The following ETV6 variants were observed in gnomAD, a reference collection of about 807,000 sequenced individuals.
ETV6 encodes ETS variant transcription factor 6, also known as transcription factor ETV6.
A neutral mutation model predicts 51.1 loss-of-function variants in ETV6; 16 were observed. That is an observed-to-expected ratio of 0.31 (90% CI 0.21 to 0.48). The LOEUF is 0.48. ETV6 is among the 20% of genes least tolerant of loss of function. The pLI, the probability that ETV6 is intolerant of heterozygous loss-of-function variation, is 0.99. For missense variants in ETV6, 458 were observed against 594.8 expected (o/e 0.77, Z 2.39); for synonymous variants, 240 against 224.1 (o/e 1.07, Z -0.64).
intron 1 of ETV6, among the ~76,000 whole-genome samples, chr12:11,710,167 T>C (rs1865147280): frequency 6.6e-6 from 1 of 152,172 alleles, no homozygotes; most frequent in Non-Finnish European, 1.5e-5. Flanking sequence ...GGCCAGCTTT[T>C]TTTGGAGAAC....
intron 2 of ETV6, among the ~76,000 whole-genome samples, chr12:11,815,078 CAGG>C (rs1945971642): frequency 6.6e-6 from 1 of 152,134 alleles, no homozygotes; most frequent in South Asian, 2.1e-4. Context: ...ACATACTTCC[CAGG>C]AGAAGTCAAA....
At chr12:11,662,102 C>T (rs1864110903) in intron 1 of ETV6, among the ~76,000 whole-genome samples, 1 of 152,140 alleles carries the variant, frequency 6.6e-6, no homozygotes, top group Non-Finnish European at 1.5e-5. Context: ...ATGTTCCCAC[C>T]CTTCCCAACA....
At chr12:11,655,968 C>T (rs1339580498) in intron 1 of ETV6, among the ~76,000 whole-genome samples, 1 of 152,186 alleles carries the variant, frequency 6.6e-6, no homozygotes, top group Non-Finnish European at 1.5e-5. Context: ...TCTACAACAA[C>T]CAGTTGTAGC....
At chr12:11,741,964 G>C (rs549155338) in intron 1 of ETV6, among the ~76,000 whole-genome samples, 2 of 152,348 alleles carry the variant, frequency 1.3e-5, no homozygotes, top group African/African-American at 4.8e-5. Context: ...GTGTTTTAAA[G>C]TTTCTCCAGG....
chr12:11,811,068 C>G (rs1945905539), intron 2 of ETV6, among the ~76,000 whole-genome samples: 1 of 152,122 alleles, frequency 6.6e-6, no homozygotes, highest in Non-Finnish European at 1.5e-5. Context: ...AGTGGTGGTA[C>G]AGCAAATAAT....
intron 2 of ETV6, among the ~76,000 whole-genome samples, chr12:11,754,325 A>G (rs888382673): frequency 1.3e-5 from 2 of 152,324 alleles, no homozygotes; most frequent in South Asian, 4.1e-4. Flanking sequence ...AAAAAAAAGT[A>G]TCAAACACTC....
chr12:11,793,745 C>T lies in ETV6; in HGVS notation c.163+41166C>T, dbSNP rs992967727. On this transcript the variant is annotated intron_variant, in intron 2 of 7. Transcript: ENST00000396373. ...GGTGCCTGTACTCCTAGTTACCTTGCGTAGCGCTATGTGACTCTTACTTGT... is the reference window on the plus strand; with the variant it reads ...GGTGCCTGTACTCCTAGTTACCTTGTGTAGCGCTATGTGACTCTTACTTGT... 3.9e-5 allele frequency among the ~76,000 whole-genome samples: 6 copies of T among 152,162 alleles called. No individual in the cohort carries two copies. The East Asian group carries it at 1.2e-3, about 29-fold the overall frequency.
In ETV6 at chr12:11,869,148, A is replaced by G. The variant is rs569805956; in HGVS notation, c.464-276A>G. 1.3e-4 allele frequency among the ~76,000 whole-genome samples: 20 copies of G among 152,084 alleles called. No homozygotes were observed. Among genetic ancestry groups the G allele is most frequent in the Non-Finnish European group, 2.4e-4 (16 of 67,962 alleles). ...CTACTCGGGAGGCTGAGGCCGGAGAATGGCATGAACCCGGGAGGCAGAGCT... is the reference window on the plus strand; with the variant it reads ...CTACTCGGGAGGCTGAGGCCGGAGAGTGGCATGAACCCGGGAGGCAGAGCT... On this transcript the variant is annotated intron_variant, in intron 4 of 7. Transcript: ENST00000396373. The surrounding 1 kb of genome is among the most constrained non-coding windows in gnomAD (Gnocchi z 5.0).
rs758414253 is a variant in ETV6 at position 11,869,969 on chromosome 12, GGTGA to G, written c.1009+7_1009+10del. ...CGCCATGCCCATTGGGAGAATAGCA[GGTGA>G]GTGAGTTCCCCTCTCGCCGCTCCAG... On this transcript the variant is annotated splice_donor_variant and splice_donor_region_variant and intron_variant, in intron 5 of 7. Coordinates refer to ENST00000396373, the MANE Select transcript of ETV6 (RefSeq NM_001987.5). LOFTEE classifies it high-confidence loss of function. The surrounding 1 kb of genome is among the most constrained non-coding windows in gnomAD (Gnocchi z 5.0). The G allele has an allele frequency of 2.3e-5, 36 of 1,598,486 alleles. No individual in the cohort carries two copies. The highest frequency in any genetic ancestry group is 3.3e-4 in the Middle Eastern group (2 of 6,000).
At chr12:11,764,108 G>A (rs971987617) in intron 2 of ETV6, among the ~76,000 whole-genome samples, 9 of 152,192 alleles carry the variant, frequency 5.9e-5, no homozygotes, top group African/African-American at 2.2e-4. Context: ...AAATCATTAT[G>A]GCAGGAGATA....
At chr12:11,668,687 C>T (rs1460133200) in intron 1 of ETV6, among the ~76,000 whole-genome samples, 28 of 152,158 alleles carry the variant, frequency 1.8e-4, no homozygotes, top group Admixed American at 1.8e-3. Flanking sequence ...GACACTTAAG[C>T]CTTATGCTTC....
intron 2 of ETV6, among the ~76,000 whole-genome samples, chr12:11,816,160 A>C (rs1048876755): frequency 2.6e-5 from 4 of 152,228 alleles, no homozygotes; most frequent in African/African-American, 9.6e-5. Context: ...GGTCTGCTAG[A>C]GGGTGAGGTT....
At chr12:11,698,901 G>A (rs1864926959) in intron 1 of ETV6, among the ~76,000 whole-genome samples, 1 of 152,164 alleles carries the variant, frequency 6.6e-6, no homozygotes, top group Non-Finnish European at 1.5e-5. Flanking sequence ...TATTTAACAG[G>A]TAGGGAAGTT....
intron 2 of ETV6, among the ~76,000 whole-genome samples, chr12:11,810,579 C>T (rs1226803711): frequency 2.6e-5 from 4 of 152,084 alleles, no homozygotes. Context: ...TAAAAAATAC[C>T]TGTGGTCTCT....
chr12:11,710,956 T>C (rs1437091125), intron 1 of ETV6, among the ~76,000 whole-genome samples: 1 of 152,180 alleles, frequency 6.6e-6, no homozygotes, highest in Non-Finnish European at 1.5e-5. Context: ...TGAGACTAAG[T>C]GGAGACCAGG....
At chr12:11,711,259 C>T (rs878980506) in intron 1 of ETV6, among the ~76,000 whole-genome samples, 5 of 152,136 alleles carry the variant, frequency 3.3e-5, no homozygotes, top group Non-Finnish European at 7.3e-5. Flanking sequence ...AAACTCAACC[C>T]GTTATTTTTG....
At chr12:11,836,070 G>C (rs1946311142) in intron 2 of ETV6, among the ~76,000 whole-genome samples, 1 of 152,196 alleles carries the variant, frequency 6.6e-6, no homozygotes, top group African/African-American at 2.4e-5. Context: ...TGACTATTAA[G>C]TAAATTAAAT....
intron 5 of ETV6, among the ~76,000 whole-genome samples, chr12:11,870,818 A>G (rs1471324349): frequency 6.6e-6 from 1 of 152,240 alleles, no homozygotes; most frequent in African/African-American, 2.4e-5. Flanking sequence ...AAAACCACTA[A>G]GATATAAGGC....
intron 1 of ETV6, among the ~76,000 whole-genome samples, chr12:11,671,831 G>A (rs945351183): frequency 6.6e-6 from 1 of 151,778 alleles, no homozygotes; most frequent in African/African-American, 2.4e-5. Flanking sequence ...CTGTATTTTC[G>A]AAATAACAGA....
Sources: allele counts gnomAD v4.1 joint callset (sites outside exome capture counted in the v4.1 genomes callset), GRCh38; gene constraint gnomAD v4.1.1; non-coding constraint Gnocchi (gnomAD v3.1); transcripts MANE v1.5; gene names NCBI Gene and HGNC (gene_info 2026-07-23, HGNC 2026-07-21).